USPL1: variants seen among roughly 807,000 people sequenced by gnomAD.
USPL1 encodes SUMO-specific isopeptidase USPL1.
Under a neutral mutation model 51.5 loss-of-function variants are expected in USPL1, and 27 were observed. The ratio of observed to expected loss-of-function variants is 0.52; its 90% CI spans 0.39 to 0.72. The LOEUF is 0.72. Among genes scored for constraint, USPL1 ranks in the 30% least tolerant of loss-of-function variants. The probability of loss-of-function intolerance (pLI) is 0.00; values close to 1 mark genes in which losing one functional copy is unlikely to be tolerated. For missense variants in USPL1, 1,226 were observed against 1,268.0 expected (o/e 0.97, Z 0.50); for synonymous variants, 451 against 459.6 (o/e 0.98, Z 0.24).
chr13:30,627,522 T>C (rs1950734787), intron 3 of USPL1, among the ~76,000 whole-genome samples: 1 of 108,682 alleles, frequency 9.2e-6, no homozygotes, highest in Non-Finnish European at 1.8e-5. Flanking sequence ...ACTGTTTTGT[T>C]CTTTTTTTTT....
chr13:30,631,113 G>T lies in USPL1; in HGVS notation c.507G>T (p.Leu169Phe). The change falls in exon 4 of 9, where the codon TTG becomes TTT. Residue 169 changes from leucine to phenylalanine, a missense_variant. Coordinates refer to ENST00000255304, the MANE Select transcript of USPL1 (RefSeq NM_005800.5). ...ATCCAATTAGGACAGCTGATTCCTT[G>T]GAGCGGAATGAGATTTTGGAAGCTG... is the stretch of plus-strand genomic sequence containing the variant. ...QQNPIRTADS[L>F]ERNEILEADT... 6.2e-7 allele frequency: 1 copy of T among 1,614,158 alleles called. No homozygotes were observed. The highest frequency in any genetic ancestry group is 8.5e-7 in the Non-Finnish European group (1 of 1,180,034).
In USPL1 at chr13:30,657,549, A is replaced by G. The variant is rs751234638; in HGVS notation, c.1472A>G (p.Glu491Gly). The G allele has an allele frequency of 6.2e-7, 1 of 1,613,946 alleles. No individual in the cohort carries two copies. Among genetic ancestry groups the G allele is most frequent in the Non-Finnish European group, 8.5e-7 (1 of 1,179,982 alleles). ...AAGAAATTTGAAGTTCCTGCTTCAG[A>G]GATACATATTGTTATTTGGGAAAGA... ...RHKKFEVPAS[E>G]IHIVIWERKI... Residue 491 changes from glutamate (E) to glycine (G), a missense_variant, in exon 9 of 9, where the codon GAG (glutamate) becomes GGG (glycine). Glu to Gly is a moderately conservative substitution (Grantham distance 98). Coordinates refer to ENST00000255304, the MANE Select transcript of USPL1 (RefSeq NM_005800.5).
Position 30,645,348 on chromosome 13 carries a change from A to G in USPL1, c.1113-1584A>G, listed in dbSNP as rs534059043. ...AATTAGGTAGAGAGATAATACACGA[A>G]CACATAATAGAGGTCCAGTGACTTC... On this transcript the variant is annotated intron_variant, in intron 6 of 8. Coordinates refer to ENST00000255304, the MANE Select transcript of USPL1 (RefSeq NM_005800.5). Among the ~76,000 whole-genome samples, 4 of 152,316 alleles carry G rather than the reference A, an allele frequency of 2.6e-5. No homozygotes were observed. In the East Asian group the frequency reaches 7.7e-4, roughly 29 times the overall value.
rs1950802027 is a variant in USPL1 at position 30,631,303 on chromosome 13, T to TAGC, written c.698_699insGCA (p.Tyr233delinsTer). On this transcript the variant is annotated stop_gained, in exon 4 of 9. Coordinates refer to ENST00000255304, the MANE Select transcript of USPL1 (RefSeq NM_005800.5). LOFTEE classifies it high-confidence loss of function. ...TTTATGTGTCCAGTGGAAAAATGCTTATGCTCTCTGTTGGTTAGACTGTAT... is the reference window on the plus strand; with the variant it reads ...TTTATGTGTCCAGTGGAAAAATGCTTAGCATGCTCTCTGTTGGTTAGACTGTAT... 6.2e-7 allele frequency: 1 copy of TAGC among 1,614,038 alleles called. No homozygotes were observed.
chr13:30,628,464 G>A (rs919834835), intron 3 of USPL1, among the ~76,000 whole-genome samples: 3 of 152,008 alleles, frequency 2.0e-5, no homozygotes, highest in Non-Finnish European at 4.4e-5. Flanking sequence ...AGGTATACAC[G>A]TGCCATGGTG....
At chr13:30,643,351 C>G (rs1950973615) in intron 6 of USPL1, among the ~76,000 whole-genome samples, 1 of 152,116 alleles carries the variant, frequency 6.6e-6, no homozygotes, top group African/African-American at 2.4e-5. Context: ...GGTCCCATCC[C>G]CAGGTTACCT....
intron 6 of USPL1, among the ~76,000 whole-genome samples, chr13:30,645,048 G>A (rs1024584739): frequency 3.3e-5 from 5 of 152,174 alleles, no homozygotes; most frequent in African/African-American, 1.2e-4. Context: ...AGCTTGAAAG[G>A]GGTTAGATTG....
At chr13:30,636,714 T>C (rs939813580) in intron 4 of USPL1, among the ~76,000 whole-genome samples, 6 of 152,210 alleles carry the variant, frequency 3.9e-5, no homozygotes, top group Non-Finnish European at 7.3e-5. Flanking sequence ...ACAACTAAAA[T>C]GTCTGGCAAT....
chr13:30,656,388 T>C (rs1231483843), intron 8 of USPL1, among the ~76,000 whole-genome samples: 5 of 152,184 alleles, frequency 3.3e-5, no homozygotes, highest in Admixed American at 3.3e-4. Flanking sequence ...AAAGCCCTGG[T>C]AACCACTATT....
intron 8 of USPL1, among the ~76,000 whole-genome samples, chr13:30,655,059 C>T (rs891256677): frequency 1.2e-4 from 18 of 151,926 alleles, no homozygotes; most frequent in Admixed American, 2.6e-4. Flanking sequence ...CTGCCTCATC[C>T]TCCTGAGTAG....
chr13:30,628,219 A>G (rs929616844), intron 3 of USPL1, among the ~76,000 whole-genome samples: 18 of 151,936 alleles, frequency 1.2e-4, no homozygotes, highest in Admixed American at 1.0e-3. Flanking sequence ...TCTATGAATC[A>G]GACTCAGTAC....
At chr13:30,652,586 G>A (rs1951104705) in intron 7 of USPL1, among the ~76,000 whole-genome samples, 1 of 152,178 alleles carries the variant, frequency 6.6e-6, no homozygotes, top group South Asian at 2.1e-4. Context: ...TGACCAATAT[G>A]TTGTATTTTT....
chr13:30,646,341 CTG>C (rs34162894), intron 6 of USPL1, among the ~76,000 whole-genome samples: 6,388 of 150,832 alleles, frequency 0.042, 164 homozygotes, highest in Middle Eastern at 0.092. Context: ...ACAATTAATG[CTG>C]TGTGTGTGTG....
intron 3 of USPL1, among the ~76,000 whole-genome samples, chr13:30,628,258 G>T (rs1384372940): frequency 6.6e-6 from 1 of 151,784 alleles, no homozygotes; most frequent in Non-Finnish European, 1.5e-5. Context: ...TACAGTATTT[G>T]CCTTTTTTGT....
intron 1 of USPL1, among the ~76,000 whole-genome samples, chr13:30,620,431 C>T (rs1950632274): frequency 1.3e-5 from 2 of 152,156 alleles, no homozygotes; most frequent in South Asian, 4.1e-4. Flanking sequence ...TGGTTCTGCA[C>T]CATAGGACTG....
intron 8 of USPL1, among the ~76,000 whole-genome samples, chr13:30,655,733 T>C (rs1951154304): frequency 6.6e-6 from 1 of 152,252 alleles, no homozygotes; most frequent in South Asian, 2.1e-4. Context: ...TCTCTACTGC[T>C]AAAACAATGT....
intron 8 of USPL1, among the ~76,000 whole-genome samples, chr13:30,655,621 T>A (rs9508813): frequency 2.0e-5 from 3 of 151,992 alleles, no homozygotes; most frequent in Admixed American, 6.6e-5. Flanking sequence ...ATAGATGTAC[T>A]TGTATAAGGA....
intron 4 of USPL1, among the ~76,000 whole-genome samples, chr13:30,633,345 C>T (rs1190440333): frequency 1.3e-5 from 2 of 152,012 alleles, no homozygotes; most frequent in African/African-American, 4.8e-5. Flanking sequence ...AGTTACTATC[C>T]AAGGTTTTAG....
At chr13:30,628,393 A>G (rs1029008378) in intron 3 of USPL1, among the ~76,000 whole-genome samples, 1 of 151,718 alleles carries the variant, frequency 6.6e-6, no homozygotes, top group Non-Finnish European at 1.5e-5. Context: ...CTGTTTATTT[A>G]TTTATTTTAT....
Sources: gnomAD v4.1 joint callset for allele counts (sites outside exome capture counted in the v4.1 genomes callset) on GRCh38, gnomAD v4.1.1 for gene constraint, MANE v1.5 for transcripts, NCBI Gene and HGNC (gene_info 2026-07-23, HGNC 2026-07-21) for gene names.